NAV1: variants seen among roughly 807,000 people sequenced by gnomAD.
The protein encoded by NAV1 is pore membrane and/or filament interacting like protein 3.
In NAV1, 18 loss-of-function variants were observed where a neutral mutation model predicts 175.2. That is an observed-to-expected ratio of 0.10 (90% CI 0.07 to 0.15). The LOEUF (loss-of-function observed/expected upper bound fraction) is 0.15, where lower values mean the gene tolerates loss of function less well. Among genes scored for constraint, NAV1 ranks in the 10% least tolerant of loss-of-function variants. NAV1 has a pLI of 1.00. For missense variants in NAV1, 1,731 were observed against 2,436.6 expected (o/e 0.71, Z 6.10); for synonymous variants, 897 against 978.7 (o/e 0.92, Z 1.56).
intron 1 of NAV1, among the ~76,000 whole-genome samples, chr1:201,562,169 TAA>T (rs1666220289): frequency 6.5e-5 from 9 of 138,130 alleles, no homozygotes; most frequent in African/African-American, 2.4e-4. Flanking sequence ...CTTGCCTGGC[TAA>T]TTTTTTTTTT....
At chr1:201,554,138 T>C (rs983338727) in intron 1 of NAV1, among the ~76,000 whole-genome samples, 1 of 152,202 alleles carries the variant, frequency 6.6e-6, no homozygotes. Flanking sequence ...AGATCATTTG[T>C]AGAGGGGCCC....
At chr1:201,790,221 T>C (rs676270) in intron 11 of NAV1, among the ~76,000 whole-genome samples, 148,240 of 152,330 alleles carry the variant, frequency 0.97, 72,269 homozygotes, top group East Asian at 1. Flanking sequence ...TTTCTTGATT[T>C]GTAGATTTGT....
chr1:201,588,129 G>C (rs979700920), intron 1 of NAV1, among the ~76,000 whole-genome samples: 5 of 152,112 alleles, frequency 3.3e-5, no homozygotes, highest in African/African-American at 1.2e-4. Flanking sequence ...GTTCATAGCA[G>C]CAAAATTCAT....
At chr1:201,670,474 T>C (rs1431560805) in intron 1 of NAV1, among the ~76,000 whole-genome samples, 10 of 148,332 alleles carry the variant, frequency 6.7e-5, no homozygotes, top group Admixed American at 5.4e-4. Context: ...TCAGGAAAGA[T>C]GGAGGAGCAA....
At chr1:201,706,265 G>GTGTC (rs1671664877) in intron 1 of NAV1, among the ~76,000 whole-genome samples, 1 of 150,698 alleles carries the variant, frequency 6.6e-6, no homozygotes, top group Non-Finnish European at 1.5e-5. Context: ...GTGTGTGTGT[G>GTGTC]TGTGTGTGTG....
At chr1:201,685,360 A>G (rs1421993748) in intron 1 of NAV1, among the ~76,000 whole-genome samples, 1 of 152,216 alleles carries the variant, frequency 6.6e-6, no homozygotes, top group African/African-American at 2.4e-5. Flanking sequence ...GCTAAATTTA[A>G]TTGAGTTTAG....
At chr1:201,802,814 G>A (rs1678022787) in intron 15 of NAV1, among the ~76,000 whole-genome samples, 1 of 151,916 alleles carries the variant, frequency 6.6e-6, no homozygotes, top group Admixed American at 6.6e-5. Flanking sequence ...AAAAGACATT[G>A]AGGGCTGTGC....
exon 1 of NAV1, chr1:201,623,074 C>A (rs1407269777): frequency 1.0e-6 from 1 of 985,912 alleles, no homozygotes; most frequent in Non-Finnish European, 1.2e-6. Context: ...GGCTGCAGGT[C>A]CTTCTAGAAA....
upstream of NAV1, chr1:201,648,231 G>A (rs1321625919): frequency 2.0e-6 from 2 of 1,014,906 alleles, no homozygotes; most frequent in African/African-American, 1.7e-5. Context: ...CCGGGGCGCT[G>A]CCCGGCAGTG....
chr1:201,747,869 A>G (rs1417840520), intron 3 of NAV1, among the ~76,000 whole-genome samples: 1 of 152,214 alleles, frequency 6.6e-6, no homozygotes, highest in Non-Finnish European at 1.5e-5. Context: ...TGGGTTGCCA[A>G]CTCAGATTCC....
chr1:201,616,028 T>A (rs1420727315), intron 2 of NAV1, among the ~76,000 whole-genome samples: 2 of 145,530 alleles, frequency 1.4e-5, no homozygotes, highest in Admixed American at 6.8e-5. Context: ...GTCTCTGTGA[T>A]CATAATAAAT....
At chr1:201,662,591 C>T (rs186418913) in intron 1 of NAV1, among the ~76,000 whole-genome samples, 1 of 152,322 alleles carries the variant, frequency 6.6e-6, no homozygotes, top group African/African-American at 2.4e-5. Flanking sequence ...ACTTACTCCT[C>T]ATCTGTAGAA....
At chr1:201,793,752 C>A (rs367882074) in intron 13 of NAV1, 40 bp from the exon 18 acceptor site, 7 of 1,576,334 alleles carry the variant, frequency 4.4e-6, no homozygotes, top group Non-Finnish European at 6.1e-6. Flanking sequence ...TTTCCCCCAG[C>A]CTTATGCAAC....
chr1:201,810,060 C>A lies in NAV1; in HGVS notation c.4516C>A (p.Pro1506Thr), dbSNP rs542261555. ...GTTGGATGCAGAGCCCCCCGAGATG[C>A]CTCCTTGCCGTCGAGGTGTCAATAA... is the stretch of plus-strand genomic sequence containing the variant. The change falls in exon 23 of 30, where the codon CCT (proline) becomes ACT (threonine). Residue 1506 changes from proline to threonine, a missense_variant. This residue lies in a region of NAV1 where 36 missense variants were observed against 45.3 expected (regional missense o/e 0.80). Coordinates refer to ENST00000367296, the Ensembl canonical transcript of NAV1. This position sits in a 1 kb window ranked among gnomAD's most constrained non-coding sequence, Gnocchi z 6.0. 32 of 1,613,964 alleles carry A rather than the reference C, an allele frequency of 2.0e-5. No homozygotes were observed. The South Asian group carries it at 3.2e-4, about 16-fold the overall frequency.
intron 1 of NAV1, among the ~76,000 whole-genome samples, chr1:201,625,417 G>C (rs539675792): frequency 2.2e-4 from 34 of 152,298 alleles, no homozygotes; most frequent in Non-Finnish European, 1.5e-4. Flanking sequence ...TGACCGGAAG[G>C]CAGTGAACTC....
Position 201,808,637 on chromosome 1 carries a change from G to A in NAV1, c.4038+27G>A. On this transcript the variant is annotated intron_variant, in intron 19 of 29. Coordinates refer to ENST00000367296, the Ensembl canonical transcript of NAV1. This position sits in a 1 kb window ranked among gnomAD's most constrained non-coding sequence, Gnocchi z 5.5. ...TCAGTGTCTGGGCGGACAGCTGCAG[G>A]AAAGGGAAGACCAAGGCTTGCTGTC... is the stretch of plus-strand genomic sequence containing the variant. 6.2e-7 allele frequency: 1 copy of A among 1,614,236 alleles called. No individual in the cohort carries two copies. Among genetic ancestry groups the A allele is most frequent in the Middle Eastern group, 1.6e-4 (1 of 6,062 alleles).
At chr1:201,589,180 A>G (rs1453009194) in intron 2 of NAV1, among the ~76,000 whole-genome samples, 2 of 152,174 alleles carry the variant, frequency 1.3e-5, no homozygotes, top group African/African-American at 4.8e-5. Context: ...TTTGAATCAT[A>G]TCTCCATTTT....
chr1:201,780,314 G>A, intron 3 of NAV1, 107 bp from the exon 8 acceptor site: 1 of 1,328,314 alleles, frequency 7.5e-7, no homozygotes, highest in Non-Finnish European at 1.0e-6. Flanking sequence ...TCTCCTTTTG[G>A]CTAGCCTATA....
In NAV1 at chr1:201,663,463, A is replaced by G. The variant is rs149351676; in HGVS notation, c.757+14038A>G. On this transcript the variant is annotated intron_variant, in intron 1 of 29. Coordinates refer to ENST00000367296, the Ensembl canonical transcript of NAV1. Reference sequence around the variant, plus strand: ...AGGGATGAAGATTCAGGCCTGACCTATAGCTTTACCTTGGATTTGTCATTT... The same window carrying G: ...AGGGATGAAGATTCAGGCCTGACCTGTAGCTTTACCTTGGATTTGTCATTT... 1.1e-4 allele frequency among the ~76,000 whole-genome samples: 17 copies of G among 152,266 alleles called. No homozygotes were observed. In the East Asian group the frequency reaches 3.1e-3, roughly 28 times the overall value.
Sources: gnomAD v4.1 joint callset for allele counts (sites outside exome capture counted in the v4.1 genomes callset) on GRCh38, gnomAD v4.1.1 for gene constraint, gnomAD v4.1.1 regional missense constraint, Gnocchi (gnomAD v3.1) non-coding constraint, MANE v1.5 for transcripts, NCBI Gene and HGNC (gene_info 2026-07-23, HGNC 2026-07-21) for gene names.